Variants in BTAF1 observed in about 807,000 individuals in gnomAD.
The protein encoded by BTAF1 is TATA-binding protein-associated factor 172.
BTAF1 carries 38 observed loss-of-function variants against 227.1 expected under a neutral mutation model. The ratio of observed to expected loss-of-function variants is 0.17; its 90% CI spans 0.13 to 0.22. The LOEUF (loss-of-function observed/expected upper bound fraction) is 0.22. BTAF1 is among the 10% of genes least tolerant of loss of function. The pLI is 1.00. For missense variants in BTAF1, 1,598 were observed against 2,204.0 expected (o/e 0.73, Z 5.51); for synonymous variants, 742 against 751.9 (o/e 0.99, Z 0.21).
In BTAF1 at chr10:91,951,511, A is replaced by G. The variant is rs1564667277; in HGVS notation, c.509A>G (p.Asn170Ser). Residue 170 changes from asparagine to serine, a missense_variant, in exon 5 of 38, where the codon AAT becomes AGT. By Grantham distance (46) the Asn-to-Ser change is conservative (BLOSUM62 1). Coordinates refer to ENST00000265990, the MANE Select transcript of BTAF1 (RefSeq NM_003972.3). ...GGAATGAGTACTGAAGAACTTTTCA[A>G]TGATGAGGATTTGGATTATACCCCA... Reference protein sequence around the residue: ...AIGMSTEELFNDEDLDYTPTS... With the variant: ...AIGMSTEELFSDEDLDYTPTS... 3.1e-6 allele frequency: 5 copies of G among 1,611,472 alleles called. No individual in the cohort carries two copies. The Admixed American group carries it at 6.7e-5, about 22-fold the overall frequency.
chr10:91,987,674 GC>G (rs1451734420), intron 19 of BTAF1, among the ~76,000 whole-genome samples: 2 of 151,968 alleles, frequency 1.3e-5, no homozygotes, highest in Non-Finnish European at 2.9e-5. Flanking sequence ...TCCCTCTCCT[GC>G]TTAAAAACAT....
intron 25 of BTAF1, among the ~76,000 whole-genome samples, chr10:92,005,559 T>A (rs949232969): frequency 1.3e-5 from 2 of 152,174 alleles, no homozygotes; most frequent in East Asian, 3.8e-4. Context: ...TTATTCCTAT[T>A]TTATTTTTTG....
intron 20 of BTAF1, among the ~76,000 whole-genome samples, chr10:91,991,824 T>C (rs373303690): frequency 2.2e-5 from 2 of 91,952 alleles, no homozygotes; most frequent in South Asian, 6.5e-4. Context: ...TATATATATA[T>C]ATATATATAC....
At chr10:91,956,748 G>C (rs756413485) in intron 7 of BTAF1, 91 bp downstream of exon 7, 20 of 1,399,456 alleles carry the variant, frequency 1.4e-5, no homozygotes, top group Non-Finnish European at 1.8e-5. Flanking sequence ...CCAGCACTTT[G>C]GGAGGTCGAG....
At chr10:92,002,242 C>T (rs758367484) in intron 25 of BTAF1, among the ~76,000 whole-genome samples, 1 of 152,074 alleles carries the variant, frequency 6.6e-6, no homozygotes, top group Non-Finnish European at 1.5e-5. Context: ...CATTCCTGTT[C>T]CTCTTTATTT....
At chr10:91,960,294 T>A in intron 11 of BTAF1, 140 bp downstream of exon 11, 5 of 840,508 alleles carry the variant, frequency 5.9e-6, no homozygotes, top group South Asian at 2.3e-5. Context: ...CTTGAGAGAG[T>A]GTCATAGAGA....
chr10:91,971,214 G>A (rs1485473833), intron 14 of BTAF1, among the ~76,000 whole-genome samples: 2 of 151,866 alleles, frequency 1.3e-5, no homozygotes, highest in Non-Finnish European at 2.9e-5. Context: ...AATTTCACTT[G>A]TGTTTAGCCT....
At chr10:91,991,832 T>TATATATATATATACAC (rs1466556430) in intron 20 of BTAF1, among the ~76,000 whole-genome samples, 1 of 11,284 alleles carries the variant, frequency 8.9e-5, no homozygotes, top group African/African-American at 1.3e-4. Context: ...TATATATATA[T>TATATATATATATACAC]ACACACATAT....
At chr10:91,951,717 G>A in intron 5 of BTAF1, 151 bp downstream of exon 5, 1 of 816,382 alleles carries the variant, frequency 1.2e-6, no homozygotes, top group Non-Finnish European at 1.8e-6. Context: ...TTTTTAACTG[G>A]ATTTCTGATG....
Position 91,923,997 on chromosome 10 carries a change from C to G in BTAF1, c.-80C>G. The G allele has an allele frequency of 6.5e-7, 1 of 1,543,312 alleles. No individual in the cohort carries two copies. The highest frequency in any genetic ancestry group is 1.2e-5 in the South Asian group (1 of 81,628). ...CTGTGCTCCGCGGCCTGGGCCTGCG[C>G]CGCTCAGCTCTCTGGAAACTAGCGC... is the stretch of plus-strand genomic sequence containing the variant. On this transcript the variant is annotated 5_prime_UTR_variant, in exon 1 of 38. Transcript: ENST00000265990.
chr10:91,952,491 G>C (rs534744920), intron 5 of BTAF1, among the ~76,000 whole-genome samples: 1 of 152,164 alleles, frequency 6.6e-6, no homozygotes, highest in African/African-American at 2.4e-5. Flanking sequence ...CTGACCCCCA[G>C]TATTCTTTTA....
At chr10:91,969,230 T>C (rs1439196004) in intron 14 of BTAF1, among the ~76,000 whole-genome samples, 1 of 152,014 alleles carries the variant, frequency 6.6e-6, no homozygotes, top group Non-Finnish European at 1.5e-5. Flanking sequence ...ACCTGCAGGC[T>C]ATTTTTAACT....
At chr10:91,963,626 T>C (rs898522032) in intron 12 of BTAF1, among the ~76,000 whole-genome samples, 1 of 152,104 alleles carries the variant, frequency 6.6e-6, no homozygotes, top group Non-Finnish European at 1.5e-5. Flanking sequence ...TTCCACCTTA[T>C]TATCAAAATC....
intron 1 of BTAF1, among the ~76,000 whole-genome samples, chr10:91,924,772 G>A (rs1225298626): frequency 1.3e-5 from 2 of 152,166 alleles, no homozygotes; most frequent in Non-Finnish European, 2.9e-5. Flanking sequence ...ACATTTATTT[G>A]TATAGCTATA....
Position 91,951,536 on chromosome 10 carries a change from A to G in BTAF1, c.534A>G (p.Pro178=), listed in dbSNP as rs1589790859. ...LFNDEDLDYT[P]TSASFVNKQP... ...ATGATGAGGATTTGGATTATACCCC[A>G]ACTTCAGCATCCTTTGTTAACAAAC... is the stretch of plus-strand genomic sequence containing the variant. Residue 178 remains proline, a synonymous_variant, in exon 5 of 38, where the codon CCA becomes CCG. Coordinates refer to ENST00000265990, the MANE Select transcript of BTAF1 (RefSeq NM_003972.3). The G allele has an allele frequency of 1.2e-6, 2 of 1,605,716 alleles. No individual in the cohort carries two copies. The highest frequency in any genetic ancestry group is 4.5e-5 in the East Asian group (2 of 44,700).
At chr10:91,939,689 C>T (rs138600844) in intron 2 of BTAF1, among the ~76,000 whole-genome samples, 1,681 of 152,296 alleles carry the variant, frequency 0.011, 16 homozygotes, top group Middle Eastern at 0.024. Context: ...CTGCCCACCT[C>T]GGTCTCCCAA....
intron 22 of BTAF1, among the ~76,000 whole-genome samples, chr10:91,994,095 C>G (rs988922031): frequency 2.0e-5 from 3 of 152,124 alleles, no homozygotes; most frequent in Non-Finnish European, 4.4e-5. Flanking sequence ...GGGCAGATCA[C>G]TTGAGGTCAG....
chr10:92,014,579 T>C (rs2134134884), intron 32 of BTAF1, among the ~76,000 whole-genome samples: 1 of 152,280 alleles, frequency 6.6e-6, no homozygotes, highest in South Asian at 2.1e-4. Flanking sequence ...AGGTATTAAA[T>C]TGCTAAGGAA....
At position 91,982,206 on chromosome 10, in the gene BTAF1, G is replaced by C; in HGVS notation, c.2029G>C (p.Ala677Pro). The stretch of plus-strand genomic sequence containing the variant: ...CACCAGGGATTTTGTAGTTATGCGG[G>C]CCAGAATGATGGCAGCCAAGTGAGT... ...PATRDFVVMR[A>P]RMMAAKLLGA... Residue 677 changes from alanine to proline, a missense_variant, in exon 17 of 38, where the codon GCC (alanine) becomes CCC (proline). Around this residue, in one of 10 missense-constraint regions of BTAF1, gnomAD observed 318 missense variants for 435.0 expected, o/e 0.73. Coordinates refer to ENST00000265990, the MANE Select transcript of BTAF1 (RefSeq NM_003972.3). 1 of 1,613,906 alleles carries C rather than the reference G, an allele frequency of 6.2e-7. No individual in the cohort carries two copies. The highest frequency in any genetic ancestry group is 8.5e-7 in the Non-Finnish European group (1 of 1,179,874).
Sources: gnomAD v4.1 joint callset for allele counts (sites outside exome capture counted in the v4.1 genomes callset) on GRCh38, gnomAD v4.1.1 for gene constraint, gnomAD v4.1.1 regional missense constraint, MANE v1.5 for transcripts, NCBI Gene and HGNC (gene_info 2026-07-23, HGNC 2026-07-21) for gene names.